Variants in AGO2 observed in about 807,000 individuals in gnomAD.
AGO2 encodes the protein argonaute RISC catalytic component 2.
AGO2 carries 5 observed loss-of-function variants against 102.3 expected under a neutral mutation model. The observed-to-expected ratio is 0.05, with a 90% CI of 0.03 to 0.10. The LOEUF is 0.10. AGO2 is among the 10% of genes least tolerant of loss of function. The pLI, the probability that AGO2 is intolerant of heterozygous loss-of-function variation, is 1.00. For missense variants in AGO2, 541 were observed against 1,183.7 expected (o/e 0.46, Z 7.97); for synonymous variants, 449 against 473.1 (o/e 0.95, Z 0.66).
Position 140,611,335 on chromosome 8 carries a change from T to C in AGO2, c.22+24150A>G, listed in dbSNP as rs906562687. Among the ~76,000 whole-genome samples the C allele has an allele frequency of 6.6e-5, 10 of 151,616 alleles. 1 individual carries two copies. Among genetic ancestry groups the C allele is most frequent in the African/African-American group, 2.2e-4 (9 of 41,310 alleles). On this transcript the variant is annotated intron_variant, in intron 1 of 18. Coordinates refer to ENST00000220592, the MANE Select transcript of AGO2 (RefSeq NM_012154.5). The stretch of plus-strand genomic sequence containing the variant: ...ACATTGACTCTTAAGCCTTTGTTTT[T>C]TTTTTTTCTTGATATGGAGACTCGC...
intron 3 of AGO2, among the ~76,000 whole-genome samples, chr8:140,568,387 T>G (rs1433986137): frequency 6.6e-6 from 1 of 151,960 alleles, no homozygotes; most frequent in Non-Finnish European, 1.5e-5. Flanking sequence ...TGCACTCAGC[T>G]TGGCTATGGC....
At chr8:140,549,084 C>T (rs1363569100) in intron 12 of AGO2, 30 bp downstream of exon 12, 2 of 1,570,856 alleles carry the variant, frequency 1.3e-6, no homozygotes, top group Non-Finnish European at 8.7e-7. Context: ...ACGACGGCTC[C>T]CCACAGCCAG....
chr8:140,576,934 G>A (rs1305042859), intron 2 of AGO2, among the ~76,000 whole-genome samples: 1 of 152,132 alleles, frequency 6.6e-6, no homozygotes, highest in Admixed American at 6.5e-5. Context: ...CGGGCCAGGC[G>A]CGATGGCTCA....
At chr8:140,603,340 G>A (rs747881325) in intron 1 of AGO2, among the ~76,000 whole-genome samples, 10 of 152,202 alleles carry the variant, frequency 6.6e-5, no homozygotes, top group Non-Finnish European at 1.5e-4. Flanking sequence ...TGCAAGGGAG[G>A]AGGGATCCAG....
chr8:140,609,726 A>G (rs1026817432), intron 1 of AGO2, among the ~76,000 whole-genome samples: 1 of 152,240 alleles, frequency 6.6e-6, no homozygotes, highest in African/African-American at 2.4e-5. Context: ...GGCCCAGCAC[A>G]GAGCAGGTGC....
intron 1 of AGO2, among the ~76,000 whole-genome samples, chr8:140,609,019 G>A (rs556829151): frequency 1.1e-4 from 17 of 152,310 alleles, no homozygotes; most frequent in Admixed American, 9.1e-4. Flanking sequence ...ATGGGACCCC[G>A]AAAAATGTCT....
At chr8:140,551,470 A>G (rs2072994205) in intron 10 of AGO2, 34 bp from the exon 11 acceptor site, 1 of 1,485,860 alleles carries the variant, frequency 6.7e-7, no homozygotes, top group Non-Finnish European at 9.0e-7. Context: ...GTGAGAAAAA[A>G]ATGGAAAACA....
chr8:140,610,768 A>AC (rs756964994), intron 1 of AGO2, among the ~76,000 whole-genome samples: 5 of 151,812 alleles, frequency 3.3e-5, no homozygotes, highest in Admixed American at 6.6e-5. Flanking sequence ...CCCATGGCCA[A>AC]CCCCCCCATA....
intron 7 of AGO2, 135 bp downstream of exon 7, chr8:140,558,350 A>C: frequency 1.1e-6 from 1 of 907,272 alleles, no homozygotes; most frequent in East Asian, 2.4e-5. Flanking sequence ...CATGTAAGGG[A>C]CAATTTTGGG....
chr8:140,533,695 T>C (rs1478759219), intron 17 of AGO2, among the ~76,000 whole-genome samples: 3 of 151,584 alleles, frequency 2.0e-5, no homozygotes, highest in Non-Finnish European at 4.4e-5. Context: ...TAATCCCAGC[T>C]ACCCAGGAGG....
In AGO2 at chr8:140,532,131, A is replaced by G; in HGVS notation, c.2493T>C (p.Ser831=). The part of the protein sequence containing the change: ...EHDSAEGSHT[S]GQSNGRDHQA... ...GGTGGTCTCGCCCGTTACTCTGCCC[A>G]GAGGTATGGCTTCCTTCAGCACTGC... The change falls in exon 19 of 19, where the codon TCT becomes TCC. Residue 831 remains serine, a synonymous_variant. Coordinates refer to ENST00000220592, the MANE Select transcript of AGO2 (RefSeq NM_012154.5). 6.2e-7 allele frequency: 1 copy of G among 1,614,150 alleles called. No homozygotes were observed. Among genetic ancestry groups the G allele is most frequent in the African/African-American group, 1.3e-5 (1 of 75,056 alleles).
rs1383717483 is a variant in AGO2 at position 140,525,264 on chromosome 8, A to C, written c.*6780T>G. ...CGCAGCATTCCGGAGATGCGCGTGCAGGAAGCTTGCGGTGGATCTGCGTGC... is the reference window on the plus strand; with the variant it reads ...CGCAGCATTCCGGAGATGCGCGTGCCGGAAGCTTGCGGTGGATCTGCGTGC... On this transcript the variant is annotated 3_prime_UTR_variant, in exon 19 of 19. Transcript: ENST00000220592. 6.6e-6 allele frequency: 1 copy of C among 152,264 alleles called. No homozygotes were observed. The highest frequency in any genetic ancestry group is 1.9e-4 in the East Asian group (1 of 5,192). The allele number at this position is 152,264 out of a possible 1,614,324, so 9.4% of individuals were successfully genotyped here. A position where few individuals can be genotyped will look rare whatever the true frequency, so the allele number is the denominator to read the frequency against.
At chr8:140,635,336 A>G (rs933643235) in intron 1 of AGO2, 149 bp downstream of exon 1, 1 of 448,268 alleles carries the variant, frequency 2.2e-6, no homozygotes, top group Non-Finnish European at 2.9e-6. Context: ...CGAGCCCCCA[A>G]GCGCGGCCCC....
At chr8:140,574,011 G>A (rs1036514274) in intron 2 of AGO2, among the ~76,000 whole-genome samples, 1 of 152,204 alleles carries the variant, frequency 6.6e-6, no homozygotes, top group African/African-American at 2.4e-5. Flanking sequence ...GATGCTTGCT[G>A]CTGGGAGAGA....
chr8:140,639,298 G>A (rs552991869), upstream of AGO2, among the ~76,000 whole-genome samples: 3 of 152,242 alleles, frequency 2.0e-5, no homozygotes, highest in South Asian at 2.1e-4. Flanking sequence ...TGGCTAACAC[G>A]GTGAAACCCT....
At chr8:140,552,720 GCACATGCA>G (rs1426957199) in intron 10 of AGO2, among the ~76,000 whole-genome samples, 1 of 146,160 alleles carries the variant, frequency 6.8e-6, no homozygotes, top group Non-Finnish European at 1.5e-5. Context: ...ATGAACACAC[GCACATGCA>G]CGCGCGCGCG....
chr8:140,620,073 G>A (rs11786030), intron 1 of AGO2, among the ~76,000 whole-genome samples: 125,616 of 152,120 alleles, frequency 0.83, 52,233 homozygotes, highest in Admixed American at 0.86. Flanking sequence ...CAGGTTCCAG[G>A]AGAGGAACAG....
intron 1 of AGO2, among the ~76,000 whole-genome samples, chr8:140,628,118 G>A (rs1053324520): frequency 6.6e-6 from 1 of 152,204 alleles, no homozygotes; most frequent in Admixed American, 6.5e-5. Flanking sequence ...AGGTCTTCAG[G>A]GCAGAGACCG....
rs1319781052 is a variant in AGO2, at chr8:140,532,008, C to A, written c.*36G>T. 1 of 1,590,156 alleles carries A rather than the reference C, an allele frequency of 6.3e-7. No homozygotes were observed. The highest frequency in any genetic ancestry group is 8.6e-7 in the Non-Finnish European group (1 of 1,159,054). ...TCTGAGTGTAGCTGGTCTCGTGAATCCCACTCGGTACACAATCGCTAAACA... is the reference window on the plus strand; with the variant it reads ...TCTGAGTGTAGCTGGTCTCGTGAATACCACTCGGTACACAATCGCTAAACA... On this transcript the variant is annotated 3_prime_UTR_variant, in exon 19 of 19. Transcript: ENST00000220592.
Sources: gnomAD v4.1 joint callset for allele counts (sites outside exome capture counted in the v4.1 genomes callset) on GRCh38, gnomAD v4.1.1 for gene constraint, MANE v1.5 for transcripts, NCBI Gene and HGNC (gene_info 2026-07-23, HGNC 2026-07-21) for gene names.